Variants in TUSC3 observed in about 807,000 individuals in gnomAD.
The protein encoded by TUSC3 is tumor suppressor candidate 3.
TUSC3 carries 45 observed loss-of-function variants against 44.8 expected under a neutral mutation model. That is an observed-to-expected ratio of 1.00 (90% CI 0.79 to 1.29). The LOEUF (loss-of-function observed/expected upper bound fraction) is 1.29. Among genes scored for constraint, TUSC3 ranks in the 50% most tolerant of loss-of-function variants. The pLI is 0.00. For synonymous variants in TUSC3, 212 were observed against 152.9 expected, an observed-to-expected ratio of 1.39 and a Z score of -2.85; for missense variants, 519 against 437.9, an observed-to-expected ratio of 1.19 and a Z score of -1.65.
intron 6 of TUSC3, among the ~76,000 whole-genome samples, chr8:15,690,758 T>A (rs1808863916): frequency 6.6e-6 from 1 of 152,114 alleles, no homozygotes; most frequent in Admixed American, 6.6e-5. Flanking sequence ...GAATAGGGAA[T>A]CCTTTCCCCA....
chr8:15,484,421 G>A (rs1800708998), intron 2 of TUSC3, among the ~76,000 whole-genome samples: 2 of 152,196 alleles, frequency 1.3e-5, no homozygotes, highest in African/African-American at 4.8e-5. Context: ...TAAAGGTACT[G>A]AAGTAAATAA....
At chr8:15,819,686 A>G in the TUSC3 span, among the ~76,000 whole-genome samples, 25 of 152,338 alleles carry the variant, frequency 1.6e-4, no homozygotes, top group African/African-American at 5.8e-4. Context: ...TGAAACTTTC[A>G]TTCACTGAGT....
chr8:15,772,212 A>G, the TUSC3 span, among the ~76,000 whole-genome samples: 3 of 152,252 alleles, frequency 2.0e-5, no homozygotes, highest in Admixed American at 6.5e-5. Context: ...GAGCAGAGCT[A>G]AACAAAATAG....
intron 2 of TUSC3, among the ~76,000 whole-genome samples, chr8:15,522,389 C>T (rs1200177017): frequency 6.6e-6 from 1 of 152,108 alleles, no homozygotes; most frequent in African/African-American, 2.4e-5. Flanking sequence ...TGCGCCAGCA[C>T]ACATGTCTAA....
chr8:15,502,876 C>T (rs1017246844), intron 2 of TUSC3, among the ~76,000 whole-genome samples: 1 of 152,170 alleles, frequency 6.6e-6, no homozygotes, highest in Non-Finnish European at 1.5e-5. Context: ...AAAAGAATGC[C>T]AGTGAGTTAC....
chr8:15,491,696 G>A (rs561352989), intron 2 of TUSC3, among the ~76,000 whole-genome samples: 5 of 152,234 alleles, frequency 3.3e-5, no homozygotes, highest in South Asian at 4.1e-4. Context: ...AGAAACTAAG[G>A]CTAAGCACCA....
chr8:15,487,251 ATTAACT>A (rs1231183886), intron 2 of TUSC3, among the ~76,000 whole-genome samples: 2 of 152,210 alleles, frequency 1.3e-5, no homozygotes, highest in Non-Finnish European at 2.9e-5. Flanking sequence ...ATCTGAAAAT[ATTAACT>A]TTAAACATGC....
Position 15,454,870 on chromosome 8 carries a change from G to C in TUSC3, n.92-28516G>C, listed in dbSNP as rs561741417. On this transcript the variant is annotated intron_variant and non_coding_transcript_variant, in intron 1 of 5. Transcript: ENST00000503191. Reference sequence around the variant, plus strand: ...TATTTTATTCTGAATATTACCTTTTGAGGCATAATTTCCAAGTTCACGTAA... The same window carrying C: ...TATTTTATTCTGAATATTACCTTTTCAGGCATAATTTCCAAGTTCACGTAA... Among the ~76,000 whole-genome samples the C allele has an allele frequency of 3.9e-5, 6 of 152,132 alleles. 1 individual carries two copies. The highest frequency in any genetic ancestry group is 1.4e-4 in the African/African-American group (6 of 41,496).
intron 9 of TUSC3, among the ~76,000 whole-genome samples, chr8:15,752,471 A>G (rs923140764): frequency 1.3e-5 from 2 of 152,172 alleles, no homozygotes; most frequent in African/African-American, 4.8e-5. Context: ...ATTTTATGAC[A>G]GTTCTCTAAT....
chr8:15,821,274 G>A, the TUSC3 span, among the ~76,000 whole-genome samples: 1 of 150,032 alleles, frequency 6.7e-6, no homozygotes, highest in South Asian at 2.1e-4. Flanking sequence ...TTGTTTCCCT[G>A]TTTGTAATAT....
intron 2 of TUSC3, among the ~76,000 whole-genome samples, chr8:15,632,860 A>G (rs977212250): frequency 6.6e-6 from 1 of 152,154 alleles, no homozygotes; most frequent in African/African-American, 2.4e-5. Context: ...ACCAACTCCT[A>G]TATCATAGTG....
chr8:15,452,311 G>A (rs1800204926), intron 1 of TUSC3, among the ~76,000 whole-genome samples: 1 of 152,100 alleles, frequency 6.6e-6, no homozygotes, highest in South Asian at 2.1e-4. Context: ...AGGTATAAAT[G>A]CTGAATTTCT....
intron 3 of TUSC3, among the ~76,000 whole-genome samples, chr8:15,657,848 G>GAT (rs1219823574): frequency 6.6e-6 from 1 of 152,168 alleles, no homozygotes; most frequent in African/African-American, 2.4e-5. Context: ...ATAATGAACA[G>GAT]ATATTTGTTT....
intron 2 of TUSC3, among the ~76,000 whole-genome samples, chr8:15,490,327 C>T (rs1376186100): frequency 6.6e-6 from 1 of 152,126 alleles, no homozygotes; most frequent in African/African-American, 2.4e-5. Flanking sequence ...CTTTTGGGAG[C>T]TGAGTCTAAA....
At chr8:15,528,969 CAGTTA>C (rs1418542191) in intron 2 of TUSC3, among the ~76,000 whole-genome samples, 8 of 152,136 alleles carry the variant, frequency 5.3e-5, no homozygotes, top group African/African-American at 1.9e-4. Context: ...TTTGTCACCG[CAGTTA>C]ATAACCAATG....
At position 15,500,690 on chromosome 8, in the gene TUSC3, A is replaced by G. The variant is rs372293212; in HGVS notation, n.189+17207A>G. Among the ~76,000 whole-genome samples the G allele has an allele frequency of 5.3e-5, 8 of 152,328 alleles. No homozygotes were observed. In the East Asian group the frequency reaches 5.8e-4, roughly 11 times the overall value. ...CTAAAACACTCAGTAAAAACAGCAA[A>G]TCATTTATAAGTTATTAATCTACAA... On this transcript the variant is annotated intron_variant and non_coding_transcript_variant, in intron 2 of 5. Transcript: ENST00000503191.
intron 1 of TUSC3, among the ~76,000 whole-genome samples, chr8:15,424,654 A>G (rs944210066): frequency 1.1e-4 from 17 of 152,166 alleles, no homozygotes; most frequent in African/African-American, 3.4e-4. Context: ...GCCGAGGTGG[A>G]TGGATCACGA....
At chr8:15,466,843 A>T (rs548077945) in intron 1 of TUSC3, among the ~76,000 whole-genome samples, 1 of 152,242 alleles carries the variant, frequency 6.6e-6, no homozygotes, top group Admixed American at 6.5e-5. Flanking sequence ...TATGATTGTC[A>T]GTTGTTCCAC....
chr8:15,849,289 T>C, the TUSC3 span, among the ~76,000 whole-genome samples: 1 of 152,190 alleles, frequency 6.6e-6, no homozygotes, highest in Non-Finnish European at 1.5e-5. Flanking sequence ...TGATATTATA[T>C]TTATGTCATT....
Sources: gnomAD v4.1 joint callset for allele counts (sites outside exome capture counted in the v4.1 genomes callset) on GRCh38, gnomAD v4.1.1 for gene constraint, MANE v1.5 for transcripts, NCBI Gene and HGNC (gene_info 2026-07-23, HGNC 2026-07-21) for gene names.